Variants in CYP4V2 observed in about 807,000 individuals in gnomAD.
CYP4V2 encodes the protein cytochrome P450 family 4 subfamily V member 2.
In CYP4V2, 55 loss-of-function variants were observed where a neutral mutation model predicts 60.8. The ratio of observed to expected loss-of-function variants is 0.90; its 90% CI spans 0.73 to 1.13. CYP4V2 has a LOEUF of 1.13. Among genes scored for constraint, CYP4V2 ranks in the 50% most tolerant of loss-of-function variants. The pLI is 0.00. For missense variants in CYP4V2, 675 were observed against 662.9 expected (o/e 1.02, Z -0.20); for synonymous variants, 239 against 236.8 (o/e 1.01, Z -0.08).
intron 10 of CYP4V2, 84 bp from the exon 11 acceptor site, chr4:186,210,385 C>T: frequency 6.4e-7 from 1 of 1,573,880 alleles, no homozygotes; most frequent in Non-Finnish European, 8.7e-7. Context: ...TGTAAAGTGG[C>T]TCGCTTCCTA....
intron 7 of CYP4V2, 98 bp from the exon 8 acceptor site, chr4:186,205,102 G>A: frequency 8.9e-7 from 1 of 1,118,532 alleles, no homozygotes. Context: ...TCACAGTGCA[G>A]TCATCAAATC....
intron 3 of CYP4V2, chr4:186,196,357 G>A (rs948723676): frequency 1.2e-5 from 6 of 490,132 alleles, no homozygotes; most frequent in Non-Finnish European, 2.2e-5. Flanking sequence ...CCTGATGGAC[G>A]GGAGTGGACG....
Position 186,210,721 on chromosome 4 carries a change from T to C in CYP4V2, c.*80T>C, listed in dbSNP as rs1173412622. ...CTTGTCATTTACAATTTACAGATCA[T>C]GAGTTCAATATGCTTGAATCCCCTA... On this transcript the variant is annotated 3_prime_UTR_variant, in exon 11 of 11. Coordinates refer to ENST00000378802, the MANE Select transcript of CYP4V2 (RefSeq NM_207352.4). 2.6e-6 allele frequency: 4 copies of C among 1,564,098 alleles called. No individual in the cohort carries two copies. The highest frequency in any genetic ancestry group is 2.3e-5 in the East Asian group (1 of 43,744).
In CYP4V2 at chr4:186,191,683, C is replaced by T; in HGVS notation, c.-141C>T. Reference sequence around the variant, plus strand: ...GCCGCCCGGGCGGGAAACGTCGTTCCGGGGACCGGGCGACCCCGCAGCGGG... The same window carrying T: ...GCCGCCCGGGCGGGAAACGTCGTTCTGGGGACCGGGCGACCCCGCAGCGGG... On this transcript the variant is annotated 5_prime_UTR_variant, in exon 1 of 11. Coordinates refer to ENST00000378802, the MANE Select transcript of CYP4V2 (RefSeq NM_207352.4). 7.6e-6 allele frequency: 6 copies of T among 785,306 alleles called. No homozygotes were observed. Among genetic ancestry groups the T allele is most frequent in the Non-Finnish European group, 1.0e-5 (6 of 588,158 alleles). The allele number at this position is 785,306 out of a possible 1,614,324, so 48.6% of individuals were successfully genotyped here.
rs201205689 is a variant in CYP4V2, at chr4:186,197,616, T to C, written c.674+14T>C. On this transcript the variant is annotated intron_variant, in intron 5 of 10. Coordinates refer to ENST00000378802, the MANE Select transcript of CYP4V2 (RefSeq NM_207352.4). ...TGCAGTTTATAGGTAAATGGAGTCC[T>C]TTCAGTTATTTTAACAATTATTATT... The C allele has an allele frequency of 2.2e-4, 358 of 1,611,778 alleles. No homozygotes were observed. Among genetic ancestry groups the C allele is most frequent in the Admixed American group, 3.5e-4 (21 of 60,034 alleles).
rs1012918801 is a variant in CYP4V2 at position 186,210,733 on chromosome 4, G to A, written c.*92G>A. On this transcript the variant is annotated 3_prime_UTR_variant, in exon 11 of 11. Coordinates refer to ENST00000378802, the MANE Select transcript of CYP4V2 (RefSeq NM_207352.4). ...AATTTACAGATCATGAGTTCAATAT[G>A]CTTGAATCCCCTAGACCTAATTTTT... The A allele has an allele frequency of 4.0e-6, 6 of 1,497,994 alleles. No homozygotes were observed. The African/African-American group carries it at 5.5e-5, about 14-fold the overall frequency. 92.8% of individuals were successfully genotyped at this position (1,497,994 alleles called of 1,614,324 possible).
In CYP4V2 at chr4:186,210,390, T is replaced by C. The variant is rs1736671602; in HGVS notation, c.1406-79T>C. ...ACTGCGAAAATGTAAAGTGGCTCGC[T>C]TCCTATGACAGGACCTCTTGTTTCT... On this transcript the variant is annotated intron_variant, in intron 10 of 10. Coordinates refer to ENST00000378802, the MANE Select transcript of CYP4V2 (RefSeq NM_207352.4). The C allele has an allele frequency of 1.9e-6, 3 of 1,591,460 alleles. No individual in the cohort carries two copies. In the South Asian group the frequency reaches 3.4e-5, roughly 18 times the overall value.
chr4:186,200,839 T>A (rs983152191), intron 6 of CYP4V2, among the ~76,000 whole-genome samples: 1 of 152,162 alleles, frequency 6.6e-6, no homozygotes, highest in Non-Finnish European at 1.5e-5. Flanking sequence ...TTAAACTTTT[T>A]CTCATTAGCG....
intron 8 of CYP4V2, among the ~76,000 whole-genome samples, chr4:186,208,298 C>T (rs1371513678): frequency 6.6e-6 from 1 of 151,012 alleles, no homozygotes; most frequent in East Asian, 2.0e-4. Context: ...ACGTGTTCTT[C>T]TTTGAAGGGT....
chr4:186,212,330 A>G lies in CYP4V2; in HGVS notation c.*1689A>G, dbSNP rs973488977. On this transcript the variant is annotated 3_prime_UTR_variant, in exon 11 of 11. Coordinates refer to ENST00000378802, the MANE Select transcript of CYP4V2 (RefSeq NM_207352.4). ...GGAAGCCATTCATCTATATTTAGTA[A>G]CCCAGTAATATCTCACTTAGTTTAG... 2 of 152,206 alleles carry G rather than the reference A, an allele frequency of 1.3e-5. No individual in the cohort carries two copies. 9.4% of individuals were successfully genotyped at this position (152,206 alleles called of 1,614,324 possible). A position where few individuals can be genotyped will look rare whatever the true frequency, so the allele number is the denominator to read the frequency against.
At position 186,191,845 on chromosome 4, in the gene CYP4V2, C is replaced by T. The variant is rs1735992071; in HGVS notation, c.22C>T (p.Leu8Phe). 1 of 1,576,502 alleles carries T rather than the reference C, an allele frequency of 6.3e-7. No homozygotes were observed. Among genetic ancestry groups the T allele is most frequent in the South Asian group, 1.1e-5 (1 of 87,240 alleles). The change falls in exon 1 of 11, where the codon CTC becomes TTC. Residue 8 changes from leucine (L) to phenylalanine (F), a missense_variant. By Grantham distance (22) the Leu-to-Phe change is conservative. Coordinates refer to ENST00000378802, the MANE Select transcript of CYP4V2 (RefSeq NM_207352.4). MAGLWLGLVWQKLLLWGA... is the reference protein window; with the variant it reads MAGLWLGFVWQKLLLWGA... ...GGCGATGGCGGGGCTCTGGCTGGGG[C>T]TCGTGTGGCAGAAGCTGCTGCTGTG...
intron 2 of CYP4V2, among the ~76,000 whole-genome samples, chr4:186,194,966 T>C (rs1218260107): frequency 3.9e-5 from 6 of 152,238 alleles, no homozygotes; most frequent in Non-Finnish European, 7.3e-5. Context: ...TAATAAAATA[T>C]GTTTCCCTCA....
Position 186,198,288 on chromosome 4 carries a change from G to C in CYP4V2, c.675-669G>C, listed in dbSNP as rs535696138. Among the ~76,000 whole-genome samples, 3 of 152,210 alleles carry C rather than the reference G, an allele frequency of 2.0e-5. No homozygotes were observed. The South Asian group carries it at 6.2e-4, about 32-fold the overall frequency. On this transcript the variant is annotated intron_variant, in intron 5 of 10. Coordinates refer to ENST00000378802, the MANE Select transcript of CYP4V2 (RefSeq NM_207352.4). ...TGGTTTTGTAGTAGTACACAAAACAGAATAACACAGGAGGCAGGCAACGGA... is the reference window on the plus strand; with the variant it reads ...TGGTTTTGTAGTAGTACACAAAACACAATAACACAGGAGGCAGGCAACGGA...
At chr4:186,204,960 C>A in intron 7 of CYP4V2, 1 of 557,880 alleles carries the variant, frequency 1.8e-6, no homozygotes, top group Non-Finnish European at 3.2e-6. Flanking sequence ...AGCACAGGCA[C>A]GTCCCACCAG....
At chr4:186,196,890 C>T (rs746453302) in intron 3 of CYP4V2, 50 bp from the exon 4 acceptor site, 43 of 1,492,300 alleles carry the variant, frequency 2.9e-5, no homozygotes, top group Non-Finnish European at 3.8e-5. Flanking sequence ...TTCTCTTTCT[C>T]TCTCTCTCTC....
intron 1 of CYP4V2, 22 bp downstream of exon 1, chr4:186,192,059 G>A: frequency 6.4e-7 from 1 of 1,552,360 alleles, no homozygotes; most frequent in South Asian, 1.2e-5. Context: ...CGCTCCTCCT[G>A]GAGCGCAACG....
Position 186,198,967 on chromosome 4 carries a change from A to G in CYP4V2, c.685A>G (p.Met229Val). The G allele has an allele frequency of 6.2e-7, 1 of 1,614,134 alleles. No homozygotes were observed. The highest frequency in any genetic ancestry group is 1.1e-5 in the South Asian group (1 of 91,080). Residue 229 changes from methionine to valine, a missense_variant, in exon 6 of 11, where the codon ATG becomes GTG. Transcript: ENST00000378802. Reference protein sequence around the residue: ...YVRAVYRMSEMIFRRIKMPWL... With the variant: ...YVRAVYRMSEVIFRRIKMPWL... Reference sequence around the variant, plus strand: ...TTATCCCATTTATAGAATGAGTGAGATGATATTTCGAAGAATAAAGATGCC... The same window carrying G: ...TTATCCCATTTATAGAATGAGTGAGGTGATATTTCGAAGAATAAAGATGCC...
chr4:186,198,021 G>A (rs1736207316), intron 5 of CYP4V2, among the ~76,000 whole-genome samples: 1 of 152,062 alleles, frequency 6.6e-6, no homozygotes. Context: ...CTTTCCTTTT[G>A]TTGTTATTCT....
In CYP4V2 at chr4:186,191,840, T is replaced by A; in HGVS notation, c.17T>A (p.Leu6Gln). The A allele has an allele frequency of 6.4e-7, 1 of 1,574,262 alleles. No homozygotes were observed. Among genetic ancestry groups the A allele is most frequent in the Admixed American group, 1.8e-5 (1 of 56,478 alleles). MAGLW[L>Q]GLVWQKLLLW... ...GCCGGGGCGATGGCGGGGCTCTGGC[T>A]GGGGCTCGTGTGGCAGAAGCTGCTG... The change falls in exon 1 of 11, where the codon CTG becomes CAG. Residue 6 changes from leucine (L) to glutamine (Q), a missense_variant. By Grantham distance (113) the Leu-to-Gln change is moderately radical (BLOSUM62 -2). Coordinates refer to ENST00000378802, the MANE Select transcript of CYP4V2 (RefSeq NM_207352.4).
Sources: gnomAD v4.1 joint callset for allele counts (sites outside exome capture counted in the v4.1 genomes callset) on GRCh38, gnomAD v4.1.1 for gene constraint, MANE v1.5 for transcripts, NCBI Gene and HGNC (gene_info 2026-07-23, HGNC 2026-07-21) for gene names.